KMT2C: variants seen among roughly 807,000 people sequenced by gnomAD.
The protein encoded by KMT2C is histone-lysine N-methyltransferase 2C.
In KMT2C, 88 loss-of-function variants were observed where a neutral mutation model predicts 507.9. The observed-to-expected ratio is 0.17, with a 90% CI of 0.15 to 0.21. The LOEUF is 0.21. Ranked by LOEUF, KMT2C falls within the 10% of genes least tolerant of loss-of-function variation. The pLI, the probability that KMT2C is intolerant of heterozygous loss-of-function variation, is 1.00. For missense variants in KMT2C, 4,954 were observed against 5,957.8 expected (o/e 0.83, Z 5.55); for synonymous variants, 2,049 against 2,080.8 (o/e 0.98, Z 0.42).
At chr7:152,218,554 A>G (rs1041496821) in intron 23 of KMT2C, among the ~76,000 whole-genome samples, 3 of 152,178 alleles carry the variant, frequency 2.0e-5, no homozygotes, top group Non-Finnish European at 4.4e-5. Flanking sequence ...TAACTCTTGC[A>G]CCTAATCATC....
chr7:152,263,000 T>A lies in KMT2C; in HGVS notation c.1299+16A>T, dbSNP rs1239697939. On this transcript the variant is annotated intron_variant, in intron 9 of 58. Coordinates refer to ENST00000262189, the MANE Select transcript of KMT2C (RefSeq NM_170606.3). Reference sequence around the variant, plus strand: ...CATAGAGAGGATTTAAAAAAATAAATAAATAAACAACTTACTTTGCATTTC... The same window carrying A: ...CATAGAGAGGATTTAAAAAAATAAAAAAATAAACAACTTACTTTGCATTTC... 6.3e-7 allele frequency: 1 copy of A among 1,576,334 alleles called. No individual in the cohort carries two copies. Among genetic ancestry groups the A allele is most frequent in the Non-Finnish European group, 8.6e-7 (1 of 1,156,374 alleles).
chr7:152,255,945 G>C (rs2095654125), intron 9 of KMT2C, among the ~76,000 whole-genome samples: 1 of 152,200 alleles, frequency 6.6e-6, no homozygotes. Flanking sequence ...GAGGCAGGCA[G>C]ATCAATTGAG....
chr7:152,368,219 T>TA (rs2097263173), intron 1 of KMT2C: 1 of 897,294 alleles, frequency 1.1e-6, no homozygotes, highest in Non-Finnish European at 1.9e-6. Context: ...AATATGCTGA[T>TA]AAAAACACAC....
intron 3 of KMT2C, among the ~76,000 whole-genome samples, chr7:152,317,875 T>TCA (rs1194260987): frequency 4.6e-5 from 7 of 152,214 alleles, no homozygotes; most frequent in African/African-American, 1.7e-4. Flanking sequence ...GCATGGTGGC[T>TCA]CACACCTGTA....
At chr7:152,207,858 G>C (rs2094349712) in intron 23 of KMT2C, among the ~76,000 whole-genome samples, 1 of 152,024 alleles carries the variant, frequency 6.6e-6, no homozygotes, top group Non-Finnish European at 1.5e-5. Context: ...TTTTTCCCAT[G>C]TTACCTATCA....
chr7:152,187,772 G>A lies in KMT2C; in HGVS notation c.4736C>T (p.Pro1579Leu). 6.2e-7 allele frequency: 1 copy of A among 1,614,096 alleles called. No homozygotes were observed. The highest frequency in any genetic ancestry group is 8.5e-7 in the Non-Finnish European group (1 of 1,179,954). Residue 1579 changes from proline (P) to leucine (L), a missense_variant, in exon 32 of 59, where the codon CCT becomes CTT. Pro to Leu is a moderately conservative substitution (Grantham distance 98). Coordinates refer to ENST00000262189, the MANE Select transcript of KMT2C (RefSeq NM_170606.3). The part of the protein sequence containing the change: ...SPHLPHNSLP[P>L]GSGLGTFSAI... ...AGAGAAAGTTCCCAGTCCGCTTCCA[G>A]GTGGCAAAGAATTATGTGGGAGATG...
chr7:152,223,968 C>A (rs758002416), intron 20 of KMT2C, 47 bp downstream of exon 20: 4 of 1,247,364 alleles, frequency 3.2e-6, no homozygotes, highest in South Asian at 1.5e-5. Context: ...TTTTTTGCTA[C>A]ATTTCAAAGA....
intron 6 of KMT2C, among the ~76,000 whole-genome samples, chr7:152,299,048 G>A (rs185915296): frequency 3.3e-5 from 5 of 152,216 alleles, no homozygotes; most frequent in Non-Finnish European, 5.9e-5. Flanking sequence ...GGCTGGGCAC[G>A]GTGGCTCACG....
intron 6 of KMT2C, among the ~76,000 whole-genome samples, chr7:152,280,442 C>G (rs62492929): frequency 1.6e-5 from 2 of 128,604 alleles, no homozygotes; most frequent in Non-Finnish European, 3.5e-5. Context: ...TCCCGGCCAC[C>G]TGGGAGGCTG....
At chr7:152,296,267 C>T (rs1408371999) in intron 6 of KMT2C, among the ~76,000 whole-genome samples, 2 of 150,956 alleles carry the variant, frequency 1.3e-5, no homozygotes, top group African/African-American at 4.9e-5. Context: ...CATCCCATCC[C>T]TACTAAAAAT....
At chr7:152,184,113 CCAAT>C (rs1325637467) in intron 34 of KMT2C, among the ~76,000 whole-genome samples, 2 of 146,238 alleles carry the variant, frequency 1.4e-5, no homozygotes, top group African/African-American at 2.5e-5. Context: ...GGAAAAATAT[CCAAT>C]CAGTCTTAAA....
intron 53 of KMT2C, 98 bp downstream of exon 53, chr7:152,146,501 C>A: frequency 8.1e-7 from 1 of 1,230,262 alleles, no homozygotes; most frequent in South Asian, 1.3e-5. Context: ...GGCTCAGTCA[C>A]TTTCTGAAGA....
At position 152,365,433 on chromosome 7, in the gene KMT2C, G is replaced by A. The variant is rs557108287; in HGVS notation, c.162-6758C>T. 4.8e-4 allele frequency among the ~76,000 whole-genome samples: 73 copies of A among 152,376 alleles called. 1 individual carries two copies. The highest frequency in any genetic ancestry group is 1.7e-3 in the African/African-American group (71 of 41,588). On this transcript the variant is annotated intron_variant, in intron 1 of 58. Coordinates refer to ENST00000262189, the MANE Select transcript of KMT2C (RefSeq NM_170606.3). ...CTGAGGCAGAATTGCTCCAACTAGG[G>A]AGGTGGAGGTTGCAGTGAGCAGAAA...
chr7:152,391,514 T>C (rs1481247262), intron 1 of KMT2C, among the ~76,000 whole-genome samples: 1 of 150,728 alleles, frequency 6.6e-6, no homozygotes, highest in Non-Finnish European at 1.5e-5. Context: ...AGCAATGGGA[T>C]TACAGACATG....
Position 152,180,754 on chromosome 7 carries a change from T to C in KMT2C, c.7106A>G (p.Asn2369Ser). The C allele has an allele frequency of 6.2e-7, 1 of 1,614,162 alleles. No homozygotes were observed. The highest frequency in any genetic ancestry group is 1.1e-5 in the South Asian group (1 of 91,078). ...VPTSGVTDTQ[N>S]TVNMAQADTE... Reference sequence around the variant, plus strand: ...ATCTGCTTGGGCCATATTTACAGTATTCTGTGTATCAGTTACTCCTGAAGT... The same window carrying C: ...ATCTGCTTGGGCCATATTTACAGTACTCTGTGTATCAGTTACTCCTGAAGT... Residue 2369 changes from asparagine (N) to serine (S), a missense_variant, in exon 36 of 59, where the codon AAT becomes AGT. By Grantham distance (46) the Asn-to-Ser change is conservative (BLOSUM62 1). Around this residue, in one of 29 missense-constraint regions of KMT2C, gnomAD observed 1,689 missense variants for 1,654.3 expected, o/e 1.02. Coordinates refer to ENST00000262189, the MANE Select transcript of KMT2C (RefSeq NM_170606.3).
At chr7:152,272,529 G>A (rs1262137217) in intron 7 of KMT2C, among the ~76,000 whole-genome samples, 1 of 152,108 alleles carries the variant, frequency 6.6e-6, no homozygotes, top group Non-Finnish European at 1.5e-5. Flanking sequence ...TGCACTTGCT[G>A]AAGTAACTCA....
At chr7:152,318,645 AAAAT>A (rs1253157244) in intron 3 of KMT2C, among the ~76,000 whole-genome samples, 40 of 151,354 alleles carry the variant, frequency 2.6e-4, no homozygotes, top group African/African-American at 7.5e-4. Flanking sequence ...AAAAAAAAAA[AAAAT>A]AGGTGCAAAA....
At chr7:152,182,685 T>C (rs1478182897) in intron 35 of KMT2C, 91 bp from the exon 36 acceptor site, 6 of 1,196,432 alleles carry the variant, frequency 5.0e-6, no homozygotes, top group East Asian at 4.7e-5. Context: ...AGTTAATTTG[T>C]TTGATGTCAG....
At chr7:152,317,857 G>C (rs2096734857) in intron 3 of KMT2C, among the ~76,000 whole-genome samples, 1 of 152,072 alleles carries the variant, frequency 6.6e-6, no homozygotes, top group African/African-American at 2.4e-5. Flanking sequence ...AAAAGAAAAA[G>C]AGGATGGGCA....
Sources: gnomAD v4.1 joint callset for allele counts (sites outside exome capture counted in the v4.1 genomes callset) on GRCh38, gnomAD v4.1.1 for gene constraint, gnomAD v4.1.1 regional missense constraint, MANE v1.5 for transcripts, NCBI Gene and HGNC (gene_info 2026-07-23, HGNC 2026-07-21) for gene names.